The following DISP1 variants were observed in gnomAD, a reference collection of about 807,000 sequenced individuals.
DISP1 encodes protein dispatched homolog 1.
DISP1 carries 30 observed loss-of-function variants against 37.3 expected under a neutral mutation model. The observed-to-expected ratio is 0.80, with a 90% CI of 0.60 to 1.09. DISP1 has a LOEUF of 1.09. Ranked by LOEUF, DISP1 falls within the 50% of genes least tolerant of loss-of-function variation. The probability of loss-of-function intolerance (pLI) is 0.00; values close to 1 mark genes in which losing one functional copy is unlikely to be tolerated. For synonymous variants in DISP1, 634 were observed against 690.2 expected (o/e 0.92, Z 1.28); for missense variants, 1,598 against 1,879.5 (o/e 0.85, Z 2.77).
intron 3 of DISP1, among the ~76,000 whole-genome samples, chr1:222,952,779 G>A (rs1245278588): frequency 1.3e-5 from 2 of 152,116 alleles, no homozygotes; most frequent in Admixed American, 6.5e-5. Context: ...GAACCTGGGC[G>A]GTGGTTGCAG....
At chr1:222,967,624 G>A (rs759638549) in intron 3 of DISP1, among the ~76,000 whole-genome samples, 27 of 152,132 alleles carry the variant, frequency 1.8e-4, no homozygotes, top group Admixed American at 5.2e-4. Flanking sequence ...AGAGCCCTTG[G>A]ATTCTACATA....
intron 2 of DISP1, among the ~76,000 whole-genome samples, chr1:222,935,287 G>C (rs1673650940): frequency 6.6e-6 from 1 of 152,130 alleles, no homozygotes; most frequent in Non-Finnish European, 1.5e-5. Flanking sequence ...CTACAACAAG[G>C]GATCTTGTTG....
chr1:222,898,210 C>T (rs1671376375), intron 1 of DISP1, among the ~76,000 whole-genome samples: 1 of 152,096 alleles, frequency 6.6e-6, no homozygotes, highest in South Asian at 2.1e-4. Flanking sequence ...TGGAAAAAGC[C>T]TGCACTAGCA....
At chr1:222,819,002 G>A (rs144728492) in intron 1 of DISP1, among the ~76,000 whole-genome samples, 1 of 152,328 alleles carries the variant, frequency 6.6e-6, no homozygotes, top group African/African-American at 2.4e-5. Flanking sequence ...ATGTCGAATT[G>A]TAATTCTCAG....
At chr1:222,858,771 A>T (rs994745125) in intron 1 of DISP1, among the ~76,000 whole-genome samples, 1 of 152,208 alleles carries the variant, frequency 6.6e-6, no homozygotes, top group Non-Finnish European at 1.5e-5. Flanking sequence ...GCAAATCAAA[A>T]CCACAATGAG....
chr1:222,972,544 C>T (rs1240933579), intron 3 of DISP1, among the ~76,000 whole-genome samples: 1 of 152,156 alleles, frequency 6.6e-6, no homozygotes, highest in Non-Finnish European at 1.5e-5. Context: ...AAGTTGTGAT[C>T]CTCACTAGTC....
intron 1 of DISP1, among the ~76,000 whole-genome samples, chr1:222,874,843 T>C (rs936612477): frequency 6.6e-6 from 1 of 152,194 alleles, no homozygotes; most frequent in African/African-American, 2.4e-5. Flanking sequence ...CTCTGATTTT[T>C]AGAGTTTCCT....
intron 1 of DISP1, among the ~76,000 whole-genome samples, chr1:222,920,083 A>C (rs1192370773): frequency 6.6e-6 from 1 of 152,178 alleles, no homozygotes; most frequent in Non-Finnish European, 1.5e-5. Flanking sequence ...TTCATGACAT[A>C]CAGTAAAGGT....
intron 1 of DISP1, among the ~76,000 whole-genome samples, chr1:222,819,833 G>A (rs1387348613): frequency 6.6e-6 from 1 of 151,902 alleles, no homozygotes; most frequent in Non-Finnish European, 1.5e-5. Flanking sequence ...GAGCCACTGC[G>A]CCGAGCTAAT....
chr1:222,837,435 T>C, intron 1 of DISP1: 1 of 178,434 alleles, frequency 5.6e-6, no homozygotes, highest in East Asian at 1.4e-4. Flanking sequence ...GTCTGCCCAG[T>C]GGCCTAAACA....
intron 1 of DISP1, among the ~76,000 whole-genome samples, chr1:222,876,453 T>C (rs1275728013): frequency 6.6e-6 from 1 of 152,202 alleles, no homozygotes; most frequent in Non-Finnish European, 1.5e-5. Context: ...TTCCTACATA[T>C]GTACAAGGAG....
chr1:222,947,776 A>T (rs1243094926), intron 3 of DISP1, among the ~76,000 whole-genome samples: 1 of 152,158 alleles, frequency 6.6e-6, no homozygotes, highest in Non-Finnish European at 1.5e-5. Context: ...TAAAGCAGAA[A>T]AAAAAAACAC....
chr1:223,002,467 ACATCGC>A lies in DISP1; in HGVS notation c.1074_1079del (p.Ala359_Ile360del). 6.2e-7 allele frequency: 1 copy of A among 1,614,178 alleles called. No individual in the cohort carries two copies. The highest frequency in any genetic ancestry group is 1.1e-5 in the South Asian group (1 of 91,072). ...TGCCCCAGCTGGACACTGGGAAACT[ACATCGC>A]CATTCTGAACAATAGATCGTCCTGT... On this transcript the variant is annotated inframe_deletion, in exon 9 of 9. Transcript: ENST00000675850.
At chr1:222,946,139 G>A (rs1468730851) in intron 3 of DISP1, among the ~76,000 whole-genome samples, 8 of 150,684 alleles carry the variant, frequency 5.3e-5, no homozygotes, top group Admixed American at 3.3e-4. Flanking sequence ...TTTGGGAGGC[G>A]GAGGCAGGCA....
chr1:222,917,931 A>G (rs1240351506), intron 1 of DISP1, among the ~76,000 whole-genome samples: 1 of 152,148 alleles, frequency 6.6e-6, no homozygotes, highest in African/African-American at 2.4e-5. Context: ...AGTGTAGAAA[A>G]ATTGGACATT....
At chr1:222,890,096 G>T (rs1216297959) in intron 1 of DISP1, among the ~76,000 whole-genome samples, 6 of 152,012 alleles carry the variant, frequency 3.9e-5, no homozygotes, top group Non-Finnish European at 8.8e-5. Flanking sequence ...TATTAAGTAG[G>T]CTCATTTATT....
intron 3 of DISP1, among the ~76,000 whole-genome samples, chr1:222,981,553 T>C (rs946742189): frequency 2.0e-5 from 3 of 152,192 alleles, no homozygotes; most frequent in Admixed American, 2.0e-4. Flanking sequence ...CTCTGTGTAG[T>C]TGGGAACCCT....
intron 1 of DISP1, among the ~76,000 whole-genome samples, chr1:222,890,984 C>G (rs571552423): frequency 1.6e-4 from 24 of 152,210 alleles, no homozygotes; most frequent in African/African-American, 4.6e-4. Flanking sequence ...CGAATTACAT[C>G]TACAACAGCT....
intron 1 of DISP1, among the ~76,000 whole-genome samples, chr1:222,834,258 C>T (rs1666465509): frequency 6.6e-6 from 1 of 152,066 alleles, no homozygotes; most frequent in African/African-American, 2.4e-5. Context: ...ATAAACAGAG[C>T]ATAGCATCCT....
Sources: gnomAD v4.1 joint callset for allele counts (sites outside exome capture counted in the v4.1 genomes callset) on GRCh38, gnomAD v4.1.1 for gene constraint, MANE v1.5 for transcripts, NCBI Gene and HGNC (gene_info 2026-07-23, HGNC 2026-07-21) for gene names.